The following CPO variants were observed in gnomAD, a reference collection of about 807,000 sequenced individuals.
CPO encodes the protein carboxypeptidase O, also known as metallocarboxypeptidase C.
CPO carries 43 observed loss-of-function variants against 41.2 expected under a neutral mutation model. The observed-to-expected ratio is 1.04, with a 90% CI of 0.82 to 1.35. CPO has a LOEUF of 1.35. CPO is among the 40% of genes most tolerant of loss of function. The pLI, the probability that CPO is intolerant of heterozygous loss-of-function variation, is 0.00. For synonymous variants in CPO, 178 were observed against 162.7 expected (o/e 1.09, Z -0.72); for missense variants, 408 against 451.7 (o/e 0.90, Z 0.88).
At chr2:206,960,758 A>T in intron 5 of CPO, 94 bp from the exon 6 acceptor site, 1 of 893,306 alleles carries the variant, frequency 1.1e-6, no homozygotes, top group Admixed American at 1.9e-5. Context: ...TAATCCTAGG[A>T]AACATTTTTC....
intron 7 of CPO, among the ~76,000 whole-genome samples, chr2:206,967,865 T>G (rs543676877): frequency 6.6e-6 from 1 of 152,198 alleles, no homozygotes; most frequent in Non-Finnish European, 1.5e-5. Flanking sequence ...TGGGATCACT[T>G]GAAAGAAGGA....
chr2:206,969,325 G>A lies in CPO; in HGVS notation c.1014G>A (p.Leu338=). The change falls in exon 9 of 9, where the codon CTG becomes CTA. Residue 338 remains leucine (L), a synonymous_variant. Transcript: ENST00000272852. ...GTGAGGAGACCATGGAGGCTGTGCT[G>A]TCAGTCCTGGATGATGTGTATGCGA... The part of the protein sequence containing the change: ...PTCEETMEAV[L]SVLDDVYAKH... The A allele has an allele frequency of 6.2e-7, 1 of 1,614,070 alleles. No individual in the cohort carries two copies. The highest frequency in any genetic ancestry group is 8.5e-7 in the Non-Finnish European group (1 of 1,180,016).
intron 6 of CPO, among the ~76,000 whole-genome samples, chr2:206,961,965 T>A (rs912435908): frequency 1.3e-5 from 2 of 151,324 alleles, no homozygotes; most frequent in Non-Finnish European, 2.9e-5. Flanking sequence ...CCTCGCGTGG[T>A]GGCGGGTGCC....
At chr2:206,943,447 G>C (rs1290421234) in intron 1 of CPO, among the ~76,000 whole-genome samples, 10 of 151,956 alleles carry the variant, frequency 6.6e-5, no homozygotes, top group Non-Finnish European at 1.5e-4. Flanking sequence ...ATTTTTCAGT[G>C]ACTTTATAAT....
Position 206,949,604 on chromosome 2 carries a change from C to A in CPO, c.69-13C>A, listed in dbSNP as rs189067505. 2,353 of 1,602,808 alleles carry A rather than the reference C, an allele frequency of 1.5e-3. 8 individuals are homozygous for A. Among genetic ancestry groups the A allele is most frequent in the Non-Finnish European group, 1.5e-3 (1,767 of 1,170,064 alleles). ...TCACCACTGCTTTTCCTCTTACTTT[C>A]TTCCCTTTGCAGATCCTTAGCCCAA... On this transcript the variant is annotated splice_polypyrimidine_tract_variant and intron_variant, in intron 1 of 8. Coordinates refer to ENST00000272852, the MANE Select transcript of CPO (RefSeq NM_173077.3).
At position 206,969,446 on chromosome 2, in the gene CPO, G is replaced by T. The variant is rs1693645978; in HGVS notation, c.*10G>T. The T allele has an allele frequency of 1.2e-6, 2 of 1,613,348 alleles. No individual in the cohort carries two copies. Among genetic ancestry groups the T allele is most frequent in the Non-Finnish European group, 1.7e-6 (2 of 1,179,364 alleles). ...CATGTCTCTTCTCTAAGTGCATTCT[G>T]CCCAGGCCTGCTCAACCCCAGTGGC... On this transcript the variant is annotated 3_prime_UTR_variant, in exon 9 of 9. Transcript: ENST00000272852.
chr2:206,958,298 C>G lies in CPO; in HGVS notation c.268-3C>G. 6.5e-7 allele frequency: 1 copy of G among 1,546,846 alleles called. No homozygotes were observed. Among genetic ancestry groups the G allele is most frequent in the Non-Finnish European group, 8.8e-7 (1 of 1,130,332 alleles). On this transcript the variant is annotated splice_region_variant and splice_polypyrimidine_tract_variant and intron_variant, in intron 3 of 8. Transcript: ENST00000272852. Reference sequence around the variant, plus strand: ...AGTAATGGGGCATGGATATCTTCTCCAGATCAGCCAACCATCTGGTAATCC... The same window carrying G: ...AGTAATGGGGCATGGATATCTTCTCGAGATCAGCCAACCATCTGGTAATCC...
In CPO at chr2:206,965,480, T is replaced by C. The variant is rs182428649; in HGVS notation, c.778-2783T>C. Among the ~76,000 whole-genome samples, 28 of 152,334 alleles carry C rather than the reference T, an allele frequency of 1.8e-4. 1 individual carries two copies. Among genetic ancestry groups the C allele is most frequent in the Admixed American group, 7.2e-4 (11 of 15,302 alleles). On this transcript the variant is annotated intron_variant, in intron 7 of 8. Transcript: ENST00000272852. ...AATATTATACTACATGATAGACAGC[T>C]TGGCAATCACTGTGTAGGAGAAACA...
intron 3 of CPO, among the ~76,000 whole-genome samples, chr2:206,957,773 G>T (rs1693399283): frequency 6.6e-6 from 1 of 152,186 alleles, no homozygotes. Context: ...AAGGAAAGAA[G>T]ATTGGGCTGG....
chr2:206,958,742 T>G lies in CPO; in HGVS notation c.372+337T>G, dbSNP rs1401185579. ...CAAATTTTCTAGTTTTTTTTTTTTT[T>G]TTTTTTTTTTTTTTTTAAGACAGAG... On this transcript the variant is annotated intron_variant, in intron 4 of 8. Coordinates refer to ENST00000272852, the MANE Select transcript of CPO (RefSeq NM_173077.3). Among the ~76,000 whole-genome samples the G allele has an allele frequency of 4.9e-5, 7 of 143,548 alleles. No homozygotes were observed. In the East Asian group the frequency reaches 9.9e-4, roughly 20 times the overall value. The allele number at this position is 143,548 out of a possible 152,430, so 94.2% of individuals were successfully genotyped here. A position where few individuals can be genotyped will look rare whatever the true frequency, so the allele number is the denominator to read the frequency against.
In CPO at chr2:206,962,770, C is replaced by A. The variant is rs77214378; in HGVS notation, c.777+156C>A. The stretch of plus-strand genomic sequence containing the variant: ...TCCTGCTTTTGCACCTTGCCAGACG[C>A]CTGCTGGGAAGGCTTCGGGTTAAAT... On this transcript the variant is annotated intron_variant, in intron 7 of 8. Coordinates refer to ENST00000272852, the MANE Select transcript of CPO (RefSeq NM_173077.3). Among the ~76,000 whole-genome samples, 91 of 152,274 alleles carry A rather than the reference C, an allele frequency of 6.0e-4. 1 individual carries two copies. The East Asian group carries it at 0.016, about 27-fold the overall frequency.
rs148037041 is a variant in CPO, at chr2:206,948,546, T to C, written c.69-1071T>C. 3.5e-3 allele frequency among the ~76,000 whole-genome samples: 527 copies of C among 152,236 alleles called. 7 individuals carry two copies. The highest frequency in any genetic ancestry group is 0.012 in the African/African-American group (492 of 41,544). On this transcript the variant is annotated intron_variant, in intron 1 of 8. Transcript: ENST00000272852. ...TAGGAGGCTGAGGCAGGAGGATTGCTTGAGGCCGGGAGTTTGAGAACAGCC... is the reference window on the plus strand; with the variant it reads ...TAGGAGGCTGAGGCAGGAGGATTGCCTGAGGCCGGGAGTTTGAGAACAGCC...
chr2:206,956,226 A>C (rs1453167), intron 3 of CPO, among the ~76,000 whole-genome samples: 105,972 of 152,008 alleles, frequency 0.7, 37,491 homozygotes, highest in Middle Eastern at 0.82. Context: ...TAAAATCACC[A>C]GAGAGCTGCC....
At chr2:206,954,281 C>T (rs537273481) in intron 2 of CPO, among the ~76,000 whole-genome samples, 2 of 152,130 alleles carry the variant, frequency 1.3e-5, no homozygotes, top group African/African-American at 4.8e-5. Flanking sequence ...TCTGTCCCCT[C>T]GTGAATGCTT....
At position 206,968,362 on chromosome 2, in the gene CPO, T is replaced by A; in HGVS notation, c.862+15T>A. 1 of 1,496,014 alleles carries A rather than the reference T, an allele frequency of 6.7e-7. No homozygotes were observed. Among genetic ancestry groups the A allele is most frequent in the Non-Finnish European group, 9.3e-7 (1 of 1,073,482 alleles). 92.7% of individuals were successfully genotyped at this position (1,496,014 alleles called of 1,614,324 possible). ...AGATATTTTATGTAAGTATCTTTTT[T>A]TGCCTCTTCAATAGTATCTAAGGCA... is the stretch of plus-strand genomic sequence containing the variant. On this transcript the variant is annotated intron_variant, in intron 8 of 8. Transcript: ENST00000272852.
intron 2 of CPO, among the ~76,000 whole-genome samples, chr2:206,951,771 A>C (rs141108082): frequency 0.026 from 3,954 of 152,340 alleles, 89 homozygotes; most frequent in Non-Finnish European, 0.037. Context: ...CAGAAATAGT[A>C]GTATCTATCT....
intron 1 of CPO, among the ~76,000 whole-genome samples, chr2:206,945,715 T>A (rs113938887): frequency 2.0e-5 from 3 of 152,282 alleles, no homozygotes; most frequent in African/African-American, 7.2e-5. Context: ...ATTAAGCTGT[T>A]TGTTAAAAAA....
chr2:206,952,455 C>T (rs1456716358), intron 2 of CPO, among the ~76,000 whole-genome samples: 1 of 152,174 alleles, frequency 6.6e-6, no homozygotes. Flanking sequence ...TTGTCAGAGA[C>T]ATCAACTATA....
intron 2 of CPO, among the ~76,000 whole-genome samples, chr2:206,953,310 C>G (rs553642921): frequency 1.3e-5 from 2 of 152,224 alleles, no homozygotes; most frequent in Non-Finnish European, 2.9e-5. Context: ...AAGTTAGTTA[C>G]TTCCTAGATA....
Sources: allele counts gnomAD v4.1 joint callset (sites outside exome capture counted in the v4.1 genomes callset), GRCh38; gene constraint gnomAD v4.1.1; transcripts MANE v1.5; gene names NCBI Gene and HGNC (gene_info 2026-07-23, HGNC 2026-07-21).